CNIH3: variants seen among roughly 807,000 people sequenced by gnomAD.
CNIH3 encodes protein cornichon homolog 3.
CNIH3 carries 14 observed loss-of-function variants against 24.1 expected under a neutral mutation model. The observed-to-expected ratio is 0.58, with a 90% CI of 0.38 to 0.91. The LOEUF (loss-of-function observed/expected upper bound fraction) is 0.91. Among genes scored for constraint, CNIH3 ranks in the 40% least tolerant of loss-of-function variants. The probability of loss-of-function intolerance (pLI) is 0.00; values close to 1 mark genes in which losing one functional copy is unlikely to be tolerated. For missense variants in CNIH3, 178 were observed against 196.8 expected, an observed-to-expected ratio of 0.90 and a Z score of 0.57; for synonymous variants, 68 against 73.8, an observed-to-expected ratio of 0.92 and a Z score of 0.40.
chr1:224,718,433 CA>C (rs1485330155), intron 3 of CNIH3, among the ~76,000 whole-genome samples: 1 of 152,104 alleles, frequency 6.6e-6, no homozygotes, highest in East Asian at 1.9e-4. Context: ...TTGTAGGGCC[CA>C]GGGGCACAGA....
At chr1:224,531,761 C>T (rs1379852702) in intron 2 of CNIH3, among the ~76,000 whole-genome samples, 1 of 152,180 alleles carries the variant, frequency 6.6e-6, no homozygotes, top group African/African-American at 2.4e-5. Context: ...TGTGAGACAT[C>T]CAAGTGACTG....
intron 1 of CNIH3, among the ~76,000 whole-genome samples, chr1:224,437,819 G>A (rs547762893): frequency 1.3e-5 from 2 of 152,062 alleles, no homozygotes; most frequent in East Asian, 1.9e-4. Flanking sequence ...TTTGAAAAAC[G>A]TTCCTATAAG....
intron 3 of CNIH3, among the ~76,000 whole-genome samples, chr1:224,561,300 A>G (rs1680364461): frequency 6.6e-6 from 1 of 152,058 alleles, no homozygotes; most frequent in Admixed American, 6.5e-5. Context: ...TTCCTTTCTC[A>G]GTCATGAATT....
At chr1:224,598,335 G>A (rs1199146353) in intron 3 of CNIH3, among the ~76,000 whole-genome samples, 1 of 152,200 alleles carries the variant, frequency 6.6e-6, no homozygotes, top group Non-Finnish European at 1.5e-5. Flanking sequence ...TGTTTGAGGA[G>A]TTGCTTCTTA....
At chr1:224,602,896 G>A (rs1019406813) in intron 3 of CNIH3, among the ~76,000 whole-genome samples, 1 of 152,170 alleles carries the variant, frequency 6.6e-6, no homozygotes, top group Non-Finnish European at 1.5e-5. Context: ...GGCCCGTAAA[G>A]GTCTACAAAC....
chr1:224,484,302 C>T (rs182043210), intron 1 of CNIH3, among the ~76,000 whole-genome samples: 41 of 151,118 alleles, frequency 2.7e-4, no homozygotes, highest in African/African-American at 1.0e-3. Context: ...CGGTAGTGGG[C>T]ACCTGTAGTC....
At chr1:224,480,735 T>A (rs1676774849) in intron 1 of CNIH3, among the ~76,000 whole-genome samples, 1 of 152,198 alleles carries the variant, frequency 6.6e-6, no homozygotes, top group Non-Finnish European at 1.5e-5. Flanking sequence ...CCCATCTCCA[T>A]CTGAGACCAC....
At chr1:224,589,179 C>G (rs1325087676), downstream of CNIH3, among the ~76,000 whole-genome samples, 1 of 152,086 alleles carries the variant, frequency 6.6e-6, no homozygotes, top group Middle Eastern at 3.2e-3. Flanking sequence ...GATAGTAAGG[C>G]AGCTGAGTGA....
At chr1:224,584,239 G>A (rs542838553) in intron 5 of CNIH3, among the ~76,000 whole-genome samples, 16 of 152,240 alleles carry the variant, frequency 1.1e-4, no homozygotes, top group East Asian at 3.9e-4. Context: ...CAGAACAAAG[G>A]CATTAGAAAA....
chr1:224,455,580 C>T (rs1296680404), intron 1 of CNIH3, among the ~76,000 whole-genome samples: 1 of 152,186 alleles, frequency 6.6e-6, no homozygotes, highest in Non-Finnish European at 1.5e-5. Context: ...ATTATTAACC[C>T]TTCCTTGAGG....
chr1:224,521,781 C>A (rs898942529), intron 2 of CNIH3, among the ~76,000 whole-genome samples: 6 of 152,136 alleles, frequency 3.9e-5, no homozygotes, highest in Admixed American at 3.3e-4. Flanking sequence ...TTGCTTGAGA[C>A]CGGTATGCAG....
intron 1 of CNIH3, among the ~76,000 whole-genome samples, chr1:224,470,519 T>G (rs904894541): frequency 6.6e-6 from 1 of 151,994 alleles, no homozygotes; most frequent in African/African-American, 2.4e-5. Flanking sequence ...AGGGTCTCCT[T>G]GTCTGGCCCA....
intron 3 of CNIH3, among the ~76,000 whole-genome samples, chr1:224,729,468 T>A (rs1165909493): frequency 7.0e-6 from 1 of 143,712 alleles, no homozygotes; most frequent in African/African-American, 2.6e-5. Context: ...CCTTGAAGGA[T>A]GTTTCAAAAG....
intron 1 of CNIH3, among the ~76,000 whole-genome samples, chr1:224,499,789 C>T (rs1677579316): frequency 6.6e-6 from 1 of 151,672 alleles, no homozygotes; most frequent in Admixed American, 6.6e-5. Context: ...GCTGACTGGG[C>T]ACTGTGGCTC....
At chr1:224,713,593 A>T (rs939776333) in intron 3 of CNIH3, among the ~76,000 whole-genome samples, 1 of 152,212 alleles carries the variant, frequency 6.6e-6, no homozygotes, top group Non-Finnish European at 1.5e-5. Flanking sequence ...TGCAAGGAAT[A>T]CATATGATAA....
At position 224,703,504 on chromosome 1, in the gene CNIH3, G is replaced by GAAA. The variant is rs1289005263; in HGVS notation, c.198+18664_198+18666dup. On this transcript the variant is annotated intron_variant, in intron 3 of 5. Coordinates refer to ENST00000272133, the MANE Select transcript of CNIH3 (RefSeq NM_152495.2). The surrounding 1 kb of genome is among the most constrained non-coding windows in gnomAD (Gnocchi z 4.2). Reference sequence around the variant, plus strand: ...GTGACTCCACTGTGCAGCTAAGTTGGAAAAATCAGTGCCCTAGGGAGCATT... The same window carrying GAAA: ...GTGACTCCACTGTGCAGCTAAGTTGGAAAAAAAATCAGTGCCCTAGGGAGCATT... Among the ~76,000 whole-genome samples the GAAA allele has an allele frequency of 6.6e-6, 1 of 152,138 alleles. No homozygotes were observed. Among genetic ancestry groups the GAAA allele is most frequent in the Non-Finnish European group, 1.5e-5 (1 of 68,012 alleles).
intron 1 of CNIH3, among the ~76,000 whole-genome samples, chr1:224,496,308 C>A (rs1677437502): frequency 6.6e-6 from 1 of 152,160 alleles, no homozygotes; most frequent in Non-Finnish European, 1.5e-5. Context: ...CATGTCTGAG[C>A]ACTTTCTGTG....
intron 1 of CNIH3, among the ~76,000 whole-genome samples, chr1:224,489,454 A>C (rs755272096): frequency 9.9e-5 from 15 of 152,094 alleles, no homozygotes; most frequent in Admixed American, 2.0e-4. Context: ...GCTGCCCTGC[A>C]TAGTGCCATT....
chr1:224,469,483 A>T (rs1178131736), intron 1 of CNIH3, among the ~76,000 whole-genome samples: 1 of 152,122 alleles, frequency 6.6e-6, no homozygotes, highest in Non-Finnish European at 1.5e-5. Context: ...CTTGGTTATG[A>T]TGTATAATTT....
Sources: allele counts gnomAD v4.1 joint callset (sites outside exome capture counted in the v4.1 genomes callset), GRCh38; gene constraint gnomAD v4.1.1; non-coding constraint Gnocchi (gnomAD v3.1); transcripts MANE v1.5; gene names NCBI Gene and HGNC (gene_info 2026-07-23, HGNC 2026-07-21).